Variants in ADAMTSL1 observed in about 807,000 individuals in gnomAD.
ADAMTSL1 encodes ADAMTS like 1.
In ADAMTSL1, 126 loss-of-function variants were observed where a neutral mutation model predicts 201.8. The ratio of observed to expected loss-of-function variants is 0.62; its 90% CI spans 0.54 to 0.72. The LOEUF is 0.72. ADAMTSL1 is among the 30% of genes least tolerant of loss of function. ADAMTSL1 has a pLI of 0.00. For synonymous variants in ADAMTSL1, 1,121 were observed against 903.4 expected, an observed-to-expected ratio of 1.24 and a Z score of -4.32; for missense variants, 2,679 against 2,277.8, an observed-to-expected ratio of 1.18 and a Z score of -3.59.
At chr9:18,737,446 C>T (rs1818580079) in intron 15 of ADAMTSL1, among the ~76,000 whole-genome samples, 1 of 152,054 alleles carries the variant, frequency 6.6e-6, no homozygotes, top group East Asian at 1.9e-4. Context: ...TTCAAGAGGC[C>T]TTGGGATTCC....
chr9:18,264,354 G>A (rs963619715), intron 2 of ADAMTSL1, among the ~76,000 whole-genome samples: 2 of 151,888 alleles, frequency 1.3e-5, no homozygotes, highest in African/African-American at 2.4e-5. Flanking sequence ...CCTTATATCC[G>A]GAATTATTCT....
intron 7 of ADAMTSL1, among the ~76,000 whole-genome samples, chr9:18,641,913 G>T (rs1047969547): frequency 1.3e-5 from 2 of 151,892 alleles, no homozygotes; most frequent in African/African-American, 2.4e-5. Flanking sequence ...CATATGTATA[G>T]TTGATTAATC....
intron 3 of ADAMTSL1, among the ~76,000 whole-genome samples, chr9:18,544,401 T>C (rs1251988246): frequency 1.3e-5 from 2 of 152,166 alleles, no homozygotes; most frequent in East Asian, 3.8e-4. Context: ...AAACTCCAAA[T>C]TGTTAGGGAA....
chr9:18,623,216 CT>C (rs1211139975), intron 5 of ADAMTSL1, among the ~76,000 whole-genome samples: 1 of 150,110 alleles, frequency 6.7e-6, no homozygotes, highest in Non-Finnish European at 1.5e-5. Flanking sequence ...TTTTATTGAC[CT>C]TTGTGTCCTG....
chr9:18,660,891 T>A (rs1717156220), intron 8 of ADAMTSL1, among the ~76,000 whole-genome samples: 1 of 152,126 alleles, frequency 6.6e-6, no homozygotes, highest in South Asian at 2.1e-4. Context: ...ATCTGGCTCA[T>A]AAACCTCCTT....
intron 2 of ADAMTSL1, among the ~76,000 whole-genome samples, chr9:18,518,238 A>G (rs1019494265): frequency 6.6e-6 from 1 of 152,182 alleles, no homozygotes; most frequent in African/African-American, 2.4e-5. Flanking sequence ...CTTCCAGTAT[A>G]CCCATCACCC....
At chr9:18,165,351 A>T (rs1010369470) in intron 2 of ADAMTSL1, among the ~76,000 whole-genome samples, 2 of 151,948 alleles carry the variant, frequency 1.3e-5, no homozygotes, top group African/African-American at 4.8e-5. Flanking sequence ...CCATAAAGGA[A>T]ATTGAATAAT....
chr9:18,892,184 A>G (rs1449828369), intron 25 of ADAMTSL1, among the ~76,000 whole-genome samples: 1 of 152,258 alleles, frequency 6.6e-6, no homozygotes, highest in African/African-American at 2.4e-5. Context: ...CTTGCCACAT[A>G]GCATTCACAG....
At position 18,399,911 on chromosome 9, in the gene ADAMTSL1, G is replaced by A. The variant is rs111386381; in HGVS notation, c.208-104918G>A. Among the ~76,000 whole-genome samples, 1,260 of 152,096 alleles carry A rather than the reference G, an allele frequency of 8.3e-3. 9 individuals carry two copies. Among genetic ancestry groups the A allele is most frequent in the Middle Eastern group, 0.014 (4 of 294 alleles). On this transcript the variant is annotated intron_variant, in intron 2 of 29. Transcript: ENST00000680146. Reference sequence around the variant, plus strand: ...TTATTATAGGCAATAACTCAGGAAAGGACTGTGTTTATACATCAAAAACCA... The same window carrying A: ...TTATTATAGGCAATAACTCAGGAAAAGACTGTGTTTATACATCAAAAACCA...
intron 2 of ADAMTSL1, among the ~76,000 whole-genome samples, chr9:18,199,865 A>G (rs571506359): frequency 2.4e-4 from 37 of 151,150 alleles, no homozygotes; most frequent in Admixed American, 1.9e-3. Flanking sequence ...AAATTTCACA[A>G]TACAAATGGT....
At chr9:18,361,000 A>G (rs1836493826) in intron 2 of ADAMTSL1, among the ~76,000 whole-genome samples, 1 of 152,220 alleles carries the variant, frequency 6.6e-6, no homozygotes, top group South Asian at 2.1e-4. Flanking sequence ...TATCTCAGAA[A>G]AATGGTGATT....
chr9:18,870,132 A>C (rs866664173), intron 23 of ADAMTSL1, among the ~76,000 whole-genome samples: 3 of 152,086 alleles, frequency 2.0e-5, no homozygotes, highest in Admixed American at 6.6e-5. Flanking sequence ...ATTTATTATG[A>C]GTGTATTTTC....
At chr9:18,871,574 G>A (rs935806777) in intron 23 of ADAMTSL1, among the ~76,000 whole-genome samples, 2 of 152,232 alleles carry the variant, frequency 1.3e-5, no homozygotes, top group African/African-American at 4.8e-5. Context: ...TCATCCTGAT[G>A]GATTTTTTCA....
chr9:18,848,414 G>A (rs1487692533), intron 23 of ADAMTSL1, among the ~76,000 whole-genome samples: 1 of 152,180 alleles, frequency 6.6e-6, no homozygotes, highest in African/African-American at 2.4e-5. Context: ...GACATTCAAG[G>A]TTCTTTGCTA....
chr9:18,154,346 G>A (rs1201753898), intron 1 of ADAMTSL1, among the ~76,000 whole-genome samples: 2 of 152,048 alleles, frequency 1.3e-5, no homozygotes, highest in Admixed American at 6.6e-5. Context: ...ATCCACTGGG[G>A]CTGCACTCTT....
At chr9:18,274,319 G>A (rs577486550) in intron 2 of ADAMTSL1, among the ~76,000 whole-genome samples, 15 of 152,240 alleles carry the variant, frequency 9.9e-5, no homozygotes, top group East Asian at 3.9e-4. Flanking sequence ...ATAATGTAGC[G>A]TTGTTGAGTT....
At chr9:18,879,757 C>T (rs570528486) in intron 23 of ADAMTSL1, among the ~76,000 whole-genome samples, 32 of 152,258 alleles carry the variant, frequency 2.1e-4, no homozygotes, top group Non-Finnish European at 4.3e-4. Context: ...AAGATTCTGG[C>T]AGTTTTTAAA....
At chr9:18,793,292 A>G (rs1822169062) in intron 19 of ADAMTSL1, 1 of 152,262 alleles carries the variant, frequency 6.6e-6, no homozygotes, top group Admixed American at 6.5e-5. Flanking sequence ...GCCCAAGGCC[A>G]AAAGCTGAGC....
chr9:18,037,977 A>G (rs1379563254), intron 1 of ADAMTSL1, among the ~76,000 whole-genome samples: 1 of 152,134 alleles, frequency 6.6e-6, no homozygotes, highest in Non-Finnish European at 1.5e-5. Context: ...AAGAATCTAA[A>G]GTATTTTAGG....
Sources: allele counts gnomAD v4.1 joint callset (sites outside exome capture counted in the v4.1 genomes callset), GRCh38; gene constraint gnomAD v4.1.1; transcripts MANE v1.5; gene names NCBI Gene and HGNC (gene_info 2026-07-23, HGNC 2026-07-21).